Variants in HPN observed in about 807,000 individuals in gnomAD.
The protein encoded by HPN is hepsin, also known as serine protease hepsin.
A neutral mutation model predicts 55.9 loss-of-function variants in HPN; 13 were observed. The observed-to-expected ratio is 0.23, with a 90% CI of 0.15 to 0.37. HPN has a LOEUF of 0.37. Ranked by LOEUF, HPN falls within the 10% of genes least tolerant of loss-of-function variation. The pLI, the probability that HPN is intolerant of heterozygous loss-of-function variation, is 1.00. For synonymous variants in HPN, 225 were observed against 240.3 expected (o/e 0.94, Z 0.59); for missense variants, 451 against 575.8 (o/e 0.78, Z 2.22).
In HPN at chr19:35,059,653, C is replaced by G; in HGVS notation, c.161-20C>G. 6.3e-7 allele frequency: 1 copy of G among 1,581,924 alleles called. No homozygotes were observed. Among genetic ancestry groups the G allele is most frequent in the Non-Finnish European group, 8.6e-7 (1 of 1,164,936 alleles). On this transcript the variant is annotated intron_variant, in intron 4 of 12. Coordinates refer to ENST00000672452, the MANE Select transcript of HPN (RefSeq NM_001384133.1). ...CCTGGCTGTGGGACCCAGGCGGCCC[C>G]GGGCCCTGTCGCCCTGCAGTGCAGG...
intron 4 of HPN, among the ~76,000 whole-genome samples, chr19:35,056,634 A>G (rs1312439371): frequency 1.3e-5 from 2 of 151,986 alleles, no homozygotes; most frequent in Non-Finnish European, 2.9e-5. Context: ...TCATGTCACA[A>G]TTTGTAATGA....
chr19:35,061,379 T>A (rs891520418), intron 9 of HPN, among the ~76,000 whole-genome samples: 1 of 151,722 alleles, frequency 6.6e-6, no homozygotes. Flanking sequence ...ACTCCATCTC[T>A]ACTAAAAATA....
At chr19:35,045,378 A>G (rs1292554745) in intron 2 of HPN, among the ~76,000 whole-genome samples, 2 of 152,174 alleles carry the variant, frequency 1.3e-5, no homozygotes, top group Admixed American at 6.5e-5. Flanking sequence ...GCATTTATAC[A>G]GGAAGCTGCA....
rs147827161 is a variant in HPN, at chr19:35,060,760, G to A, written c.754G>A (p.Glu252Lys). ...TCTTCCCTTTCGGGACCCCAACAGC[G>A]AGGAGAACAGCAACGATATTGCCCT... ...GYLPFRDPNS[E>K]ENSNDIALVH... Residue 252 changes from glutamate to lysine, a missense_variant, in exon 9 of 13, where the codon GAG becomes AAG. Glu to Lys is a moderately conservative substitution (Grantham distance 56). This residue lies in a region of HPN where 378 missense variants were observed against 445.5 expected (regional missense o/e 0.85). Transcript: ENST00000672452. 44 of 1,612,680 alleles carry A rather than the reference G, an allele frequency of 2.7e-5. No individual in the cohort carries two copies. Among genetic ancestry groups the A allele is most frequent in the Non-Finnish European group, 3.5e-5 (41 of 1,179,396 alleles).
At chr19:35,060,538 G>C (rs367719792) in intron 8 of HPN, 26 bp downstream of exon 8, 449 of 1,611,878 alleles carry the variant, frequency 2.8e-4, no homozygotes, top group South Asian at 5.8e-4. Flanking sequence ...TGGCGCTGAT[G>C]ATGGGGAGGC....
chr19:35,052,246 G>A (rs577435322), intron 4 of HPN, among the ~76,000 whole-genome samples: 26 of 152,278 alleles, frequency 1.7e-4, no homozygotes, highest in African/African-American at 6.3e-4. Context: ...GTAGTACTTG[G>A]GCGGGGTGCG....
At position 35,059,898 on chromosome 19, in the gene HPN, C is replaced by A. The variant is rs754865106; in HGVS notation, c.315C>A (p.Asp105Glu). 6.6e-7 allele frequency: 1 copy of A among 1,510,738 alleles called. No homozygotes were observed. Among genetic ancestry groups the A allele is most frequent in the Non-Finnish European group, 8.8e-7 (1 of 1,129,978 alleles). 93.6% of individuals were successfully genotyped at this position (1,510,738 alleles called of 1,614,324 possible). ...FLRALTHSEL[D>E]VRTAGANGTS... ...GGGCACTGACCCACTCCGAGCTGGA[C>A]GTGCGAACGGCGGGCGCCAATGGCA... The change falls in exon 6 of 13, where the codon GAC becomes GAA. Residue 105 changes from aspartate to glutamate, a missense_variant. Physicochemically the swap from Asp to Glu is conservative, Grantham distance 45. This residue lies in a region of HPN where 378 missense variants were observed against 445.5 expected (regional missense o/e 0.85). Transcript: ENST00000672452.
chr19:35,065,737 G>A (rs2064600090), intron 11 of HPN, 56 bp downstream of exon 11: 4 of 1,607,418 alleles, frequency 2.5e-6, no homozygotes, highest in East Asian at 2.2e-5. Flanking sequence ...GGATGGAGAT[G>A]CAGGGGAGTG....
intron 2 of HPN, among the ~76,000 whole-genome samples, chr19:35,042,983 C>A (rs2064309329): frequency 1.3e-5 from 2 of 152,150 alleles, no homozygotes; most frequent in African/African-American, 2.4e-5. Context: ...GGATACCAGT[C>A]CTCCCTCTGT....
intron 2 of HPN, among the ~76,000 whole-genome samples, chr19:35,048,547 A>T (rs1337734893): frequency 6.6e-5 from 10 of 152,152 alleles, no homozygotes; most frequent in Non-Finnish European, 1.5e-4. Context: ...AGGCTCAAAG[A>T]TATGATGGCA....
intron 2 of HPN, among the ~76,000 whole-genome samples, chr19:35,048,813 G>A (rs73040327): frequency 0.026 from 3,958 of 152,246 alleles, 87 homozygotes; most frequent in Non-Finnish European, 0.04. Context: ...GGTACCATGA[G>A]AGAGGTCTGA....
intron 4 of HPN, among the ~76,000 whole-genome samples, chr19:35,058,497 T>TATA (rs35454126): frequency 3.4e-5 from 5 of 146,446 alleles, no homozygotes; most frequent in Admixed American, 6.9e-5. Context: ...ATCTGTTTGA[T>TATA]ATAATAATAA....
Position 35,066,052 on chromosome 19 carries a change from G to A in HPN, c.1215+20G>A. ...ATAAAGGTGAAAGTTGGGTCCAGATGGGAGCCAGGGTGGGGACGTTTGGGT... is the reference window on the plus strand; with the variant it reads ...ATAAAGGTGAAAGTTGGGTCCAGATAGGAGCCAGGGTGGGGACGTTTGGGT... On this transcript the variant is annotated intron_variant, in intron 12 of 12. Transcript: ENST00000672452. 6.2e-7 allele frequency: 1 copy of A among 1,609,802 alleles called. No individual in the cohort carries two copies. The highest frequency in any genetic ancestry group is 8.5e-7 in the Non-Finnish European group (1 of 1,180,022).
intron 9 of HPN, among the ~76,000 whole-genome samples, chr19:35,064,795 C>T (rs547028065): frequency 9.4e-5 from 14 of 149,520 alleles, no homozygotes; most frequent in South Asian, 2.2e-4. Context: ...GCTCTTGGTA[C>T]GTGGCGACTT....
At chr19:35,058,013 C>T (rs111996835) in intron 4 of HPN, among the ~76,000 whole-genome samples, 8,844 of 151,580 alleles carry the variant, frequency 0.058, 784 homozygotes, top group African/African-American at 0.19. Context: ...ATTAGCTGGG[C>T]ATGGTGGTGC....
At chr19:35,055,322 A>T (rs1229670215) in intron 4 of HPN, among the ~76,000 whole-genome samples, 2 of 151,792 alleles carry the variant, frequency 1.3e-5, no homozygotes, top group East Asian at 3.9e-4. Flanking sequence ...GTTTGAGCCC[A>T]GGAGGTTGAG....
rs150154846 is a variant in HPN, at chr19:35,061,114, C to T, written c.811+297C>T. 1.1e-4 allele frequency among the ~76,000 whole-genome samples: 17 copies of T among 152,304 alleles called. No individual in the cohort carries two copies. The East Asian group carries it at 3.1e-3, about 28-fold the overall frequency. ...TGGAAACTGTGTCTGCACCAAAACT[C>T]GTACATCAGTGTTCATAGCAGCATT... On this transcript the variant is annotated intron_variant, in intron 9 of 12. Coordinates refer to ENST00000672452, the MANE Select transcript of HPN (RefSeq NM_001384133.1).
intron 2 of HPN, among the ~76,000 whole-genome samples, chr19:35,046,826 T>G (rs1169982197): frequency 1.3e-5 from 2 of 151,968 alleles, no homozygotes; most frequent in Non-Finnish European, 1.5e-5. Flanking sequence ...ATTTATGTAT[T>G]TATTTATTTA....
intron 9 of HPN, among the ~76,000 whole-genome samples, chr19:35,064,686 A>AT (rs1270549713): frequency 1.3e-5 from 2 of 151,986 alleles, no homozygotes; most frequent in Non-Finnish European, 2.9e-5. Context: ...ACTTGGCCTC[A>AT]TTTTCCCCCT....
Sources: gnomAD v4.1 joint callset for allele counts (sites outside exome capture counted in the v4.1 genomes callset) on GRCh38, gnomAD v4.1.1 for gene constraint, gnomAD v4.1.1 regional missense constraint, MANE v1.5 for transcripts, NCBI Gene and HGNC (gene_info 2026-07-23, HGNC 2026-07-21) for gene names.